The following TENM3 variants were observed in gnomAD, a reference collection of about 807,000 sequenced individuals.
TENM3 encodes teneurin-3.
A neutral mutation model predicts 255.1 loss-of-function variants in TENM3; 63 were observed. That is an observed-to-expected ratio of 0.25 (90% CI 0.20 to 0.30). The LOEUF (loss-of-function observed/expected upper bound fraction) is 0.30, where lower values mean the gene tolerates loss of function less well. Ranked by LOEUF, TENM3 falls within the 10% of genes least tolerant of loss-of-function variation. The pLI is 1.00. For missense variants in TENM3, 2,929 were observed against 3,461.1 expected (o/e 0.85, Z 3.86); for synonymous variants, 1,306 against 1,322.3 (o/e 0.99, Z 0.27).
the TENM3 span, among the ~76,000 whole-genome samples, chr4:181,991,985 C>A: frequency 6.6e-6 from 1 of 152,094 alleles, no homozygotes. Context: ...AGGCAACAGG[C>A]TAAAACTGAC....
chr4:182,219,290 G>A (rs965010031), intron 1 of TENM3, among the ~76,000 whole-genome samples: 20 of 152,042 alleles, frequency 1.3e-4, no homozygotes, highest in African/African-American at 4.6e-4. Context: ...AGTAATTGAA[G>A]ATGAAGAAAA....
At chr4:182,430,882 G>A (rs1489316550) in intron 3 of TENM3, among the ~76,000 whole-genome samples, 1 of 151,582 alleles carries the variant, frequency 6.6e-6, no homozygotes, top group African/African-American at 2.4e-5. Context: ...CATGGTGGTG[G>A]GCACCTGTAA....
rs576317831 is a variant in TENM3 at position 182,343,708 on chromosome 4, A to G, written c.233-2943A>G. Among the ~76,000 whole-genome samples the G allele has an allele frequency of 2.1e-5, 3 of 141,046 alleles. No homozygotes were observed. In the Admixed American group the frequency reaches 2.3e-4, roughly 11 times the overall value. The allele number at this position is 141,046 out of a possible 152,430, so 92.5% of individuals were successfully genotyped here. A position where few individuals can be genotyped will look rare whatever the true frequency, so the allele number is the denominator to read the frequency against. ...GCTCTATTCTCTCCATCTTCCCTGCACTGGTCAAAACTGCAGATGTTTTCC... is the reference window on the plus strand; with the variant it reads ...GCTCTATTCTCTCCATCTTCCCTGCGCTGGTCAAAACTGCAGATGTTTTCC... On this transcript the variant is annotated intron_variant, in intron 2 of 27. Transcript: ENST00000511685.
the TENM3 span, among the ~76,000 whole-genome samples, chr4:181,615,778 A>G: frequency 6.6e-6 from 1 of 152,212 alleles, no homozygotes; most frequent in Non-Finnish European, 1.5e-5. Flanking sequence ...TGATTGTGCC[A>G]ATAAGAAAGA....
the TENM3 span, among the ~76,000 whole-genome samples, chr4:181,887,491 C>T: frequency 1.3e-5 from 2 of 152,094 alleles, no homozygotes; most frequent in Non-Finnish European, 1.5e-5. Context: ...TAGTTCTCTT[C>T]ATTCTCTTTC....
At chr4:182,443,825 G>A (rs535431857) in intron 3 of TENM3, among the ~76,000 whole-genome samples, 2 of 152,270 alleles carry the variant, frequency 1.3e-5, no homozygotes, top group East Asian at 3.9e-4. Flanking sequence ...CAAAATTAAG[G>A]ACCAGTGCTT....
chr4:182,241,785 G>C (rs1757277930), upstream of TENM3, among the ~76,000 whole-genome samples: 1 of 151,872 alleles, frequency 6.6e-6, no homozygotes, highest in South Asian at 2.1e-4. Flanking sequence ...GGGATTACAG[G>C]CATGAGCCAC....
At chr4:182,005,888 A>G in the TENM3 span, among the ~76,000 whole-genome samples, 1 of 152,084 alleles carries the variant, frequency 6.6e-6, no homozygotes, top group Non-Finnish European at 1.5e-5. Context: ...GGTGGTGTAA[A>G]GGAATGCTTC....
the TENM3 span, among the ~76,000 whole-genome samples, chr4:181,604,475 TC>T: frequency 0.038 from 5,826 of 152,092 alleles, 206 homozygotes; most frequent in African/African-American, 0.084. Context: ...ATCTCAGTCT[TC>T]CCCCACCCTC....
chr4:182,614,504 AC>A, intron 4 of TENM3, among the ~76,000 whole-genome samples: 2 of 152,286 alleles, frequency 1.3e-5, no homozygotes, highest in South Asian at 4.1e-4. Context: ...ATGTTTTATT[AC>A]TTATTACTTC....
At chr4:182,737,333 G>C (rs1018607576) in intron 17 of TENM3, among the ~76,000 whole-genome samples, 1 of 152,132 alleles carries the variant, frequency 6.6e-6, no homozygotes, top group Admixed American at 6.6e-5. Flanking sequence ...GTTTCAGCTT[G>C]TCACATCCTT....
intron 2 of TENM3, among the ~76,000 whole-genome samples, chr4:182,342,006 T>G (rs1764515563): frequency 6.6e-6 from 1 of 152,162 alleles, no homozygotes; most frequent in African/African-American, 2.4e-5. Flanking sequence ...CATGAGCCTG[T>G]GCAGAATTAA....
At chr4:182,371,949 G>A (rs1009295511) in intron 3 of TENM3, among the ~76,000 whole-genome samples, 3 of 152,172 alleles carry the variant, frequency 2.0e-5, no homozygotes, top group Non-Finnish European at 4.4e-5. Context: ...AATACAATAT[G>A]TGAGTTAATG....
the TENM3 span, among the ~76,000 whole-genome samples, chr4:181,799,788 T>C: frequency 6.6e-6 from 1 of 152,214 alleles, no homozygotes; most frequent in African/African-American, 2.4e-5. Context: ...TCTAAAGCTC[T>C]AGTGCGGCAT....
At chr4:182,466,019 G>A (rs928511822) in intron 3 of TENM3, among the ~76,000 whole-genome samples, 11 of 152,096 alleles carry the variant, frequency 7.2e-5, no homozygotes, top group Admixed American at 2.6e-4. Context: ...ACCAAAGTAC[G>A]TTATGGTTTA....
chr4:181,794,163 A>C, the TENM3 span, among the ~76,000 whole-genome samples: 1 of 150,844 alleles, frequency 6.6e-6, no homozygotes, highest in South Asian at 2.1e-4. Flanking sequence ...TGACAGATAA[A>C]AATTACATAT....
the TENM3 span, among the ~76,000 whole-genome samples, chr4:181,746,744 A>G: frequency 5.2e-4 from 78 of 149,378 alleles, no homozygotes; most frequent in African/African-American, 1.9e-3. Context: ...CCACTTCCCT[A>G]CTAATCAGCT....
At chr4:182,319,617 TAAG>T (rs1272206773) in intron 1 of TENM3, among the ~76,000 whole-genome samples, 6 of 152,220 alleles carry the variant, frequency 3.9e-5, no homozygotes. Flanking sequence ...TTAGAAAGCT[TAAG>T]AATACCTAAA....
the TENM3 span, among the ~76,000 whole-genome samples, chr4:181,797,354 T>G: frequency 6.6e-6 from 1 of 152,078 alleles, no homozygotes; most frequent in African/African-American, 2.4e-5. Flanking sequence ...AGAAGGGGCC[T>G]TGGACTCCAG....
Sources: allele counts gnomAD v4.1 joint callset (sites outside exome capture counted in the v4.1 genomes callset), GRCh38; gene constraint gnomAD v4.1.1; transcripts MANE v1.5; gene names NCBI Gene and HGNC (gene_info 2026-07-23, HGNC 2026-07-21).